Variants in AGMO observed in about 807,000 individuals in gnomAD.
AGMO encodes alkylglycerol monooxygenase.
In AGMO, 75 loss-of-function variants were observed where a neutral mutation model predicts 60.2. The ratio of observed to expected loss-of-function variants is 1.25; its 90% CI spans 1.03 to 1.51. The LOEUF (loss-of-function observed/expected upper bound fraction) is 1.51, where lower values mean the gene tolerates loss of function less well. AGMO is among the 40% of genes most tolerant of loss of function. AGMO has a pLI of 0.00. For missense variants in AGMO, 763 were observed against 525.5 expected, an observed-to-expected ratio of 1.45 and a Z score of -4.42; for synonymous variants, 261 against 177.1, an observed-to-expected ratio of 1.47 and a Z score of -3.76.
At chr7:15,212,332 G>T (rs2128494318) in intron 12 of AGMO, among the ~76,000 whole-genome samples, 1 of 150,482 alleles carries the variant, frequency 6.6e-6, no homozygotes, top group African/African-American at 2.4e-5. Context: ...TGTATAAAAA[G>T]AATTACATCG....
rs1486008727 is a variant in AGMO at position 15,354,396 on chromosome 7, A to ACG, written c.1263+11116_1263+11117dup. Among the ~76,000 whole-genome samples, 129 of 33,170 alleles carry ACG rather than the reference A, an allele frequency of 3.9e-3. 8 individuals are homozygous for ACG. The highest frequency in any genetic ancestry group is 8.6e-3 in the South Asian group (7 of 814). 21.8% of individuals were successfully genotyped at this position (33,170 alleles called of 152,430 possible). On this transcript the variant is annotated intron_variant, in intron 12 of 12. Transcript: ENST00000342526. ...CGTGTGTATACACGTGTGTGTATAC[A>ACG]CGTGTGTGTACACACGTGTGTGTAT...
rs142926054 is a variant in AGMO at position 15,302,538 on chromosome 7, A to G, written c.1263+62976T>C. ...AAATATAATACAGAAATTAAAATGC[A>G]AAGGTTCCTTAAAGATTAAAATCTT... On this transcript the variant is annotated intron_variant, in intron 12 of 12. Coordinates refer to ENST00000342526, the MANE Select transcript of AGMO (RefSeq NM_001004320.2). 6.7e-3 allele frequency among the ~76,000 whole-genome samples: 1,015 copies of G among 152,328 alleles called. 7 individuals carry two copies. The highest frequency in any genetic ancestry group is 0.023 in the African/African-American group (949 of 41,586).
rs7803044 is a variant in AGMO at position 15,476,547 on chromosome 7, G to A, written c.410-45439C>T. Among the ~76,000 whole-genome samples the A allele has an allele frequency of 5.4e-3, 815 of 152,122 alleles. 5 individuals carry two copies. The highest frequency in any genetic ancestry group is 0.019 in the African/African-American group (778 of 41,504). On this transcript the variant is annotated intron_variant, in intron 3 of 12. Transcript: ENST00000342526. ...TGTAACATTTTCTTCTCAAAGTTGA[G>A]AGAAAAATACAATCTGGGTTTGTGG...
chr7:15,550,140 C>T (rs1784906039), intron 2 of AGMO, among the ~76,000 whole-genome samples: 3 of 151,494 alleles, frequency 2.0e-5, no homozygotes, highest in Non-Finnish European at 2.9e-5. Context: ...CACAACATAC[C>T]AGAATCTCTG....
chr7:15,213,726 T>A (rs990324053), intron 12 of AGMO, among the ~76,000 whole-genome samples: 3 of 151,964 alleles, frequency 2.0e-5, no homozygotes, highest in African/African-American at 7.2e-5. Context: ...GGCACTCTGC[T>A]TCCCAAAATT....
chr7:15,369,131 G>C (rs914732284), intron 10 of AGMO, among the ~76,000 whole-genome samples: 5 of 151,898 alleles, frequency 3.3e-5, no homozygotes, highest in Non-Finnish European at 7.4e-5. Context: ...AATATATCCA[G>C]AATAAAAGCA....
At position 15,466,586 on chromosome 7, in the gene AGMO, G is replaced by T. The variant is rs902444490; in HGVS notation, c.410-35478C>A. Among the ~76,000 whole-genome samples, 6 of 152,206 alleles carry T rather than the reference G, an allele frequency of 3.9e-5. 1 individual carries two copies. The East Asian group carries it at 1.2e-3, about 29-fold the overall frequency. The stretch of plus-strand genomic sequence containing the variant: ...ATGCAGCATATAATAATTTAAGAAT[G>T]GAGGCTTTAGGGCTAAACTACCTAG... On this transcript the variant is annotated intron_variant, in intron 3 of 12. Transcript: ENST00000342526.
chr7:15,273,047 A>G (rs1380018438), intron 12 of AGMO, among the ~76,000 whole-genome samples: 1 of 152,030 alleles, frequency 6.6e-6, no homozygotes, highest in African/African-American at 2.4e-5. Flanking sequence ...AGATTAGTAG[A>G]TTGCAAAAAT....
chr7:15,307,124 A>G (rs537095134), intron 12 of AGMO, among the ~76,000 whole-genome samples: 3 of 152,150 alleles, frequency 2.0e-5, no homozygotes, highest in Admixed American at 2.0e-4. Flanking sequence ...AATGATGATG[A>G]CATTCATATA....
intron 2 of AGMO, among the ~76,000 whole-genome samples, chr7:15,550,886 A>T (rs1380788442): frequency 1.8e-4 from 25 of 140,488 alleles, no homozygotes; most frequent in Non-Finnish European, 3.1e-5. Context: ...TTAGACCAAT[A>T]TCCTTGATGA....
chr7:15,390,632 T>A, intron 8 of AGMO, 39 bp downstream of exon 8: 4 of 1,402,792 alleles, frequency 2.9e-6, no homozygotes, highest in Non-Finnish European at 4.0e-6. Flanking sequence ...ATTTATGAAA[T>A]GATATAAATG....
intron 12 of AGMO, among the ~76,000 whole-genome samples, chr7:15,292,904 C>A (rs952055357): frequency 2.0e-5 from 3 of 151,420 alleles, no homozygotes; most frequent in Non-Finnish European, 4.4e-5. Context: ...ATTACAAGCA[C>A]CCGCCACCAA....
At chr7:15,530,991 A>G (rs1323653107) in intron 3 of AGMO, among the ~76,000 whole-genome samples, 1 of 9,206 alleles carries the variant, frequency 1.1e-4, no homozygotes, top group Non-Finnish European at 2.0e-4. Context: ...TATATTCTAT[A>G]TATATTCTAT....
intron 12 of AGMO, among the ~76,000 whole-genome samples, chr7:15,326,764 T>G (rs1259219770): frequency 6.6e-6 from 1 of 152,184 alleles, no homozygotes; most frequent in Non-Finnish European, 1.5e-5. Context: ...ACCATTCATT[T>G]TGTTTCATCT....
At chr7:15,420,175 A>G (rs943220210) in intron 4 of AGMO, among the ~76,000 whole-genome samples, 1 of 152,108 alleles carries the variant, frequency 6.6e-6, no homozygotes, top group Non-Finnish European at 1.5e-5. Flanking sequence ...CCCTTGAAAT[A>G]ATGACAGCTA....
At chr7:15,350,506 A>G (rs945634725) in intron 12 of AGMO, among the ~76,000 whole-genome samples, 1 of 152,132 alleles carries the variant, frequency 6.6e-6, no homozygotes, top group Non-Finnish European at 1.5e-5. Flanking sequence ...CTTTTCTCTT[A>G]TATTTAGAGA....
At chr7:15,381,471 A>G (rs749186079) in intron 10 of AGMO, among the ~76,000 whole-genome samples, 3 of 152,134 alleles carry the variant, frequency 2.0e-5, no homozygotes, top group Non-Finnish European at 2.9e-5. Context: ...CAAAACCACA[A>G]TGGTGTACCA....
rs559299029 is a variant in AGMO at position 15,449,150 on chromosome 7, T to C, written c.410-18042A>G. Among the ~76,000 whole-genome samples the C allele has an allele frequency of 3.9e-5, 6 of 152,174 alleles. 2 individuals are homozygous for C. In the South Asian group the frequency reaches 1.2e-3, roughly 32 times the overall value. On this transcript the variant is annotated intron_variant, in intron 3 of 12. Transcript: ENST00000342526. ...CACCTTCATACAAAAAGGTAAACAA[T>C]AAAAAATAGTAAACCACTAGTGCCA...
intron 3 of AGMO, among the ~76,000 whole-genome samples, chr7:15,509,104 T>C (rs971328080): frequency 6.6e-6 from 1 of 152,204 alleles, no homozygotes; most frequent in Non-Finnish European, 1.5e-5. Context: ...TAGTGTTGTT[T>C]CTAATTTTTA....
Sources: gnomAD v4.1 joint callset for allele counts (sites outside exome capture counted in the v4.1 genomes callset) on GRCh38, gnomAD v4.1.1 for gene constraint, MANE v1.5 for transcripts, NCBI Gene and HGNC (gene_info 2026-07-23, HGNC 2026-07-21) for gene names.